Variants in SOD2 observed in about 807,000 individuals in gnomAD.
The protein encoded by SOD2 is superoxide dismutase 2.
SOD2 carries 11 observed loss-of-function variants against 27.0 expected under a neutral mutation model. That is an observed-to-expected ratio of 0.41 (90% CI 0.26 to 0.67). The LOEUF (loss-of-function observed/expected upper bound fraction) is 0.67. SOD2 is among the 30% of genes least tolerant of loss of function. The pLI is 0.34. For synonymous variants in SOD2, 105 were observed against 103.0 expected (o/e 1.02, Z -0.12); for missense variants, 250 against 274.5 (o/e 0.91, Z 0.63).
At chr6:159,727,688 GC>G, upstream of SOD2, 4 of 985,178 alleles carry the variant, frequency 4.1e-6, no homozygotes, top group Non-Finnish European at 4.8e-6. Context: ...CGCCGGCGCG[GC>G]TTCTGCCTGG....
chr6:159,685,219 CTTTTTTTT>C (rs750824041), intron 3 of SOD2, among the ~76,000 whole-genome samples, 186 bp from the exon 4 acceptor site: 8 of 73,912 alleles, frequency 1.1e-4, no homozygotes, highest in East Asian at 3.3e-4. Context: ...ATAACTTCAA[CTTTTTTTT>C]TTTTTTTTTT....
chr6:159,696,890 A>G (rs1777429803), upstream of SOD2, among the ~76,000 whole-genome samples: 1 of 152,102 alleles, frequency 6.6e-6, no homozygotes, highest in Non-Finnish European at 1.5e-5. Flanking sequence ...AAAAAACAGT[A>G]GCTGGGTGTG....
chr6:159,739,478 T>A (rs1164793947), intron 1 of SOD2, among the ~76,000 whole-genome samples: 1 of 152,224 alleles, frequency 6.6e-6, no homozygotes, highest in East Asian at 1.9e-4. Flanking sequence ...AAGTTATTGT[T>A]AAAGGTGACT....
chr6:159,751,489 ATC>A (rs1415080437), intron 1 of SOD2, among the ~76,000 whole-genome samples: 1 of 152,220 alleles, frequency 6.6e-6, no homozygotes, highest in African/African-American at 2.4e-5. Flanking sequence ...AATCTTGCAT[ATC>A]TCTCATTTTC....
At chr6:159,755,317 C>T (rs765031923) in intron 1 of SOD2, 35 of 1,614,206 alleles carry the variant, frequency 2.2e-5, no homozygotes, top group Middle Eastern at 1.6e-4. Flanking sequence ...GCAACACAAC[C>T]GAAGATGACT....
At chr6:159,726,710 A>T in intron 1 of SOD2, 10 of 1,229,698 alleles carry the variant, frequency 8.1e-6, no homozygotes, top group Non-Finnish European at 9.5e-6. Context: ...CCGCGGACAC[A>T]GCGCAACCTC....
chr6:159,732,633 G>A (rs1433812005), intron 1 of SOD2, among the ~76,000 whole-genome samples: 1 of 152,144 alleles, frequency 6.6e-6, no homozygotes, highest in Non-Finnish European at 1.5e-5. Flanking sequence ...TGAGGAGTTC[G>A]AGACCAGCCT....
At chr6:159,728,084 G>C (rs1472303757), upstream of SOD2, among the ~76,000 whole-genome samples, 1 of 152,222 alleles carries the variant, frequency 6.6e-6, no homozygotes, top group Non-Finnish European at 1.5e-5. Flanking sequence ...GCACTAACGA[G>C]TTCAGCAAGG....
chr6:159,698,516 G>A (rs1777467077), intron 1 of SOD2, among the ~76,000 whole-genome samples: 1 of 140,278 alleles, frequency 7.1e-6, no homozygotes, highest in African/African-American at 2.7e-5. Context: ...AGGTTGCAGT[G>A]AGCTGAGATC....
At chr6:159,702,089 G>C (rs1444212197) in intron 1 of SOD2, among the ~76,000 whole-genome samples, 1 of 152,122 alleles carries the variant, frequency 6.6e-6, no homozygotes, top group Admixed American at 6.5e-5. Context: ...CCAAATAAGG[G>C]ACCTTACTTT....
rs1156927977 is a variant in SOD2, at chr6:159,676,408, T to A, written c.*6085A>T. The stretch of plus-strand genomic sequence containing the variant: ...GTGGCACATATACACCATGGAATAC[T>A]ATGCAGCCATAAAAAAGGAAGAGTT... On this transcript the variant is annotated 3_prime_UTR_variant, in exon 5 of 5. Coordinates refer to ENST00000538183, the MANE Select transcript of SOD2 (RefSeq NM_000636.4). 1 of 152,196 alleles carries A rather than the reference T, an allele frequency of 6.6e-6. No individual in the cohort carries two copies. Among genetic ancestry groups the A allele is most frequent in the Non-Finnish European group, 1.5e-5 (1 of 68,044 alleles). 9.4% of individuals were successfully genotyped at this position (152,196 alleles called of 1,614,324 possible).
intron 1 of SOD2, among the ~76,000 whole-genome samples, chr6:159,719,099 C>G (rs1777979272): frequency 6.6e-6 from 1 of 152,144 alleles, no homozygotes; most frequent in South Asian, 2.1e-4. Context: ...ATCTTAACCC[C>G]TAATGTGGAG....
chr6:159,727,851 T>TA (rs1427418212), upstream of SOD2: 24 of 505,864 alleles, frequency 4.7e-5, no homozygotes, highest in African/African-American at 4.8e-4. Flanking sequence ...TGAGCCGCTC[T>TA]ACCTTCCCGC....
chr6:159,751,172 A>AT (rs1779806368), intron 1 of SOD2, among the ~76,000 whole-genome samples: 2 of 152,308 alleles, frequency 1.3e-5, no homozygotes, highest in East Asian at 1.9e-4. Flanking sequence ...CAAAACTGTG[A>AT]TTTTGTTAAA....
chr6:159,753,279 G>T, intron 1 of SOD2: 1 of 883,616 alleles, frequency 1.1e-6, no homozygotes. Flanking sequence ...TTACTGCTGT[G>T]TTGGCAAAAT....
At chr6:159,734,196 G>A (rs1778763524) in intron 1 of SOD2, among the ~76,000 whole-genome samples, 1 of 151,746 alleles carries the variant, frequency 6.6e-6, no homozygotes, top group African/African-American at 2.4e-5. Flanking sequence ...TTGTTTTAAT[G>A]AGAGACAGGG....
upstream of SOD2, chr6:159,749,436 T>C: frequency 1.0e-6 from 1 of 985,284 alleles, no homozygotes; most frequent in Non-Finnish European, 1.2e-6. Flanking sequence ...GTTTTTTTTT[T>C]TTTTTAAGTT....
chr6:159,755,418 G>A (rs761266097), intron 1 of SOD2: 2 of 1,614,206 alleles, frequency 1.2e-6, no homozygotes, highest in Admixed American at 1.7e-5. Flanking sequence ...AATCAACTCA[G>A]TGCGGGGTAT....
chr6:159,685,793 G>C (rs1310326235), intron 3 of SOD2, among the ~76,000 whole-genome samples: 1 of 151,992 alleles, frequency 6.6e-6, no homozygotes. Flanking sequence ...TTGGTTTTCT[G>C]TTCCTGGGTT....
Sources: gnomAD v4.1 joint callset for allele counts (sites outside exome capture counted in the v4.1 genomes callset) on GRCh38, gnomAD v4.1.1 for gene constraint, MANE v1.5 for transcripts, NCBI Gene and HGNC (gene_info 2026-07-23, HGNC 2026-07-21) for gene names.